UNC79: variants seen among roughly 807,000 people sequenced by gnomAD.
The protein encoded by UNC79 is unc-79 subunit of NALCN channel complex, also known as protein unc-79 homolog.
A neutral mutation model predicts 283.1 loss-of-function variants in UNC79; 37 were observed. The observed-to-expected ratio is 0.13, with a 90% CI of 0.10 to 0.17. The LOEUF (loss-of-function observed/expected upper bound fraction) is 0.17. Among genes scored for constraint, UNC79 ranks in the 10% least tolerant of loss-of-function variants. The pLI, the probability that UNC79 is intolerant of heterozygous loss-of-function variation, is 1.00. For missense variants in UNC79, 2,272 were observed against 3,211.1 expected (o/e 0.71, Z 7.07); for synonymous variants, 1,107 against 1,200.2 (o/e 0.92, Z 1.61).
chr14:93,507,044 C>T (rs1043193226), intron 7 of UNC79, among the ~76,000 whole-genome samples: 4 of 152,184 alleles, frequency 2.6e-5, no homozygotes, highest in Non-Finnish European at 5.9e-5. Context: ...ATTCAGTCAA[C>T]ATATTACTGA....
At chr14:93,649,899 C>T (rs1464085261) in intron 35 of UNC79, among the ~76,000 whole-genome samples, 1 of 152,158 alleles carries the variant, frequency 6.6e-6, no homozygotes, top group African/African-American at 2.4e-5. Flanking sequence ...ATGCATATGA[C>T]TGTGTAACCC....
chr14:93,618,107 G>T, intron 28 of UNC79, 85 bp from the exon 30 acceptor site: 1 of 1,443,836 alleles, frequency 6.9e-7, no homozygotes. Context: ...AAGAGATACT[G>T]CAAAAAGTAT....
chr14:93,653,607 C>A, intron 35 of UNC79, 135 bp from the exon 39 acceptor site: 2 of 795,332 alleles, frequency 2.5e-6, no homozygotes, highest in South Asian at 1.7e-5. Flanking sequence ...TAGAATATTT[C>A]ATTTCACTGA....
intron 29 of UNC79, among the ~76,000 whole-genome samples, chr14:93,618,854 T>C (rs1175400339): frequency 6.6e-6 from 1 of 152,244 alleles, no homozygotes; most frequent in Non-Finnish European, 1.5e-5. Context: ...AGGTGTAAGC[T>C]ATCTCCATTA....
chr14:93,628,119 C>A (rs2067709789), intron 30 of UNC79, among the ~76,000 whole-genome samples: 1 of 152,224 alleles, frequency 6.6e-6, no homozygotes. Context: ...TAGGAGATTA[C>A]ACCATTCCCC....
At chr14:93,625,625 T>G (rs80138574) in intron 30 of UNC79, among the ~76,000 whole-genome samples, 1,690 of 152,260 alleles carry the variant, frequency 0.011, 30 homozygotes, top group African/African-American at 0.039. Context: ...TGATTACCAT[T>G]TCTTCTCTCC....
intron 18 of UNC79, 39 bp from the exon 19 acceptor site, chr14:93,580,107 TTTG>T (rs1313787576): frequency 1.3e-6 from 2 of 1,523,678 alleles, no homozygotes; most frequent in Admixed American, 2.1e-5. Context: ...TTCTTTTTTT[TTTG>T]TGTGTGTGTG....
chr14:93,483,874 C>CT (rs2058273581), intron 4 of UNC79, among the ~76,000 whole-genome samples: 3 of 152,104 alleles, frequency 2.0e-5, no homozygotes. Context: ...TGAACTCATC[C>CT]TTTTTTATGG....
In UNC79 at chr14:93,637,186, C is replaced by G. The variant is rs764629580; in HGVS notation, c.5717-30C>G. ...CTAAATGGTGCTAAGATGACCACAT[C>G]AAAGACTGAAACCCTCTATTTATCC... On this transcript the variant is annotated intron_variant, in intron 31 of 48. Coordinates refer to ENST00000555664, the Ensembl canonical transcript of UNC79. 5.0e-6 allele frequency: 5 copies of G among 995,958 alleles called. 1 individual carries two copies. In the Admixed American group the frequency reaches 8.4e-5, roughly 17 times the overall value. The allele number at this position is 995,958 out of a possible 1,614,324, so 61.7% of individuals were successfully genotyped here.
At chr14:93,697,170 C>A (rs965001804) in intron 47 of UNC79, among the ~76,000 whole-genome samples, 1 of 152,086 alleles carries the variant, frequency 6.6e-6, no homozygotes, top group Admixed American at 6.5e-5. Flanking sequence ...GAGTCTCACT[C>A]TGTCACCCAG....
chr14:93,477,821 A>G lies in UNC79; in HGVS notation c.619+93A>G, dbSNP rs573593734. ...TTATAGGCTCTAGTTTTTCGAGATTATAATGGAATCACTTGATATATACAG... is the reference window on the plus strand; with the variant it reads ...TTATAGGCTCTAGTTTTTCGAGATTGTAATGGAATCACTTGATATATACAG... On this transcript the variant is annotated intron_variant, in intron 4 of 48. Transcript: ENST00000555664. The G allele has an allele frequency of 2.6e-5, 32 of 1,223,440 alleles. No homozygotes were observed. In the South Asian group the frequency reaches 4.3e-4, roughly 16 times the overall value. 75.8% of individuals were successfully genotyped at this position (1,223,440 alleles called of 1,614,324 possible).
chr14:93,354,202 G>C (rs2054037334), intron 1 of UNC79, among the ~76,000 whole-genome samples: 1 of 152,154 alleles, frequency 6.6e-6, no homozygotes, highest in African/African-American at 2.4e-5. Flanking sequence ...GAGTGAGAAG[G>C]AAAGTGATAT....
At chr14:93,693,215 T>G (rs2074838283) in intron 46 of UNC79, among the ~76,000 whole-genome samples, 1 of 152,218 alleles carries the variant, frequency 6.6e-6, no homozygotes, top group Non-Finnish European at 1.5e-5. Flanking sequence ...TTTGAATAGT[T>G]CTGTTAATGG....
At position 93,660,563 on chromosome 14, in the gene UNC79, ATGTGTGTGTG is replaced by A. The variant is rs1555394962; in HGVS notation, c.6525+1310_6525+1319del. On this transcript the variant is annotated intron_variant, in intron 39 of 48. Transcript: ENST00000555664. ...TATATATATATATATATATATATATATGTGTGTGTGTGTGTGTTCATTTTATTTTATTTTA... is the reference window on the plus strand; with the variant it reads ...TATATATATATATATATATATATATATGTGTGTTCATTTTATTTTATTTTA... 6.3e-3 allele frequency among the ~76,000 whole-genome samples: 407 copies of A among 64,356 alleles called. 2 individuals carry two copies. Among genetic ancestry groups the A allele is most frequent in the South Asian group, 0.011 (20 of 1,744 alleles). The allele number at this position is 64,356 out of a possible 152,430, so 42.2% of individuals were successfully genotyped here.
In UNC79 at chr14:93,690,114, T is replaced by C. The variant is rs748374167; in HGVS notation, c.7086-3T>C. On this transcript the variant is annotated splice_polypyrimidine_tract_variant and splice_region_variant and intron_variant, in intron 44 of 48. Coordinates refer to ENST00000555664, the Ensembl canonical transcript of UNC79. This position sits in a 1 kb window ranked among gnomAD's most constrained non-coding sequence, Gnocchi z 4.3. ...ATCTTTAACACTCCTTCTTCTCTAA[T>C]AGACCTAAAGAATTCATTGAGTGTG... 1.5e-5 allele frequency: 25 copies of C among 1,613,888 alleles called. No individual in the cohort carries two copies. Among genetic ancestry groups the C allele is most frequent in the South Asian group, 5.5e-5 (5 of 90,986 alleles).
intron 29 of UNC79, chr14:93,620,977 A>C: frequency 1.9e-6 from 1 of 518,858 alleles, no homozygotes; most frequent in Non-Finnish European, 3.8e-6. Context: ...TTTTTGCAAG[A>C]TTGAAAAGAA....
intron 4 of UNC79, among the ~76,000 whole-genome samples, chr14:93,482,088 C>A (rs2140406607): frequency 6.6e-6 from 1 of 152,250 alleles, no homozygotes; most frequent in Admixed American, 6.5e-5. Context: ...TGATATTATG[C>A]ACGTGTATAT....
rs7154311 is a variant in UNC79, at chr14:93,644,239, C to T, written c.6044+542C>T. The stretch of plus-strand genomic sequence containing the variant: ...GGCTTTCAACCTGACTGAGAGATTA[C>T]GCTTAGCTGCTTTGAGGGTGTTCAT... On this transcript the variant is annotated intron_variant, in intron 34 of 48. Transcript: ENST00000555664. Among the ~76,000 whole-genome samples, 675 of 152,242 alleles carry T rather than the reference C, an allele frequency of 4.4e-3. 3 individuals carry two copies. The highest frequency in any genetic ancestry group is 0.015 in the African/African-American group (635 of 41,538).
intron 1 of UNC79, among the ~76,000 whole-genome samples, chr14:93,423,619 C>G (rs900121527): frequency 6.6e-6 from 1 of 152,158 alleles, no homozygotes; most frequent in Non-Finnish European, 1.5e-5. Context: ...CGGGAAAGAA[C>G]AGTCTCTTCA....
Sources: allele counts gnomAD v4.1 joint callset (sites outside exome capture counted in the v4.1 genomes callset), GRCh38; gene constraint gnomAD v4.1.1; non-coding constraint Gnocchi (gnomAD v3.1); transcripts MANE v1.5; gene names NCBI Gene and HGNC (gene_info 2026-07-23, HGNC 2026-07-21).